Variants in CSTPP1 observed in about 807,000 individuals in gnomAD.
CSTPP1 encodes the protein centriolar satellite-associated tubulin polyglutamylase complex regulator 1, also known as UPF0705 protein C11orf49.
the CSTPP1 span, among the ~76,000 whole-genome samples, chr11:46,998,457 A>G: frequency 6.6e-6 from 1 of 152,214 alleles, no homozygotes; most frequent in Non-Finnish European, 1.5e-5. Context: ...TTTACATAAT[A>G]TACGAGTGAC....
the CSTPP1 span, among the ~76,000 whole-genome samples, chr11:47,046,660 C>CTTTTTTTTTTTTTTTTTTTTTTTTT: frequency 8.8e-5 from 7 of 79,736 alleles, no homozygotes; most frequent in East Asian, 7.7e-4. Context: ...ATCTTCTTTT[C>CTTTTTTTTTTTTTTTTTTTTTTTTT]TTTTTTTTTT....
chr11:46,937,353 T>G, the CSTPP1 span, among the ~76,000 whole-genome samples: 1 of 206 alleles, frequency 4.9e-3, no homozygotes, highest in Admixed American at 0.083. Flanking sequence ...TAACTTGCGT[T>G]AAGTTAGGCC....
chr11:47,154,042 C>T, the CSTPP1 span, among the ~76,000 whole-genome samples: 1 of 151,946 alleles, frequency 6.6e-6, no homozygotes, highest in East Asian at 1.9e-4. Flanking sequence ...CAGGTTCAAG[C>T]GCTTCTCCTG....
At chr11:47,128,012 G>A in the CSTPP1 span, among the ~76,000 whole-genome samples, 213 of 152,254 alleles carry the variant, frequency 1.4e-3, no homozygotes, top group Non-Finnish European at 2.4e-3. Flanking sequence ...AAGTAGCTGG[G>A]ATTACAGGCA....
chr11:47,102,047 C>A, the CSTPP1 span, among the ~76,000 whole-genome samples: 1 of 152,186 alleles, frequency 6.6e-6, no homozygotes, highest in African/African-American at 2.4e-5. Context: ...AAATAATGAA[C>A]GTAATTCTCC....
At chr11:47,098,510 T>G in the CSTPP1 span, among the ~76,000 whole-genome samples, 1 of 148,558 alleles carries the variant, frequency 6.7e-6, no homozygotes, top group Non-Finnish European at 1.5e-5. Flanking sequence ...CTTTTTTCTT[T>G]TTTTTTTTTT....
At chr11:46,986,714 C>T in the CSTPP1 span, among the ~76,000 whole-genome samples, 11 of 152,264 alleles carry the variant, frequency 7.2e-5, no homozygotes, top group African/African-American at 2.2e-4. Flanking sequence ...GTGATCCACC[C>T]GCCTCAGCCT....
At chr11:47,099,285 C>G in the CSTPP1 span, among the ~76,000 whole-genome samples, 1 of 152,126 alleles carries the variant, frequency 6.6e-6, no homozygotes, top group African/African-American at 2.4e-5. Context: ...GGTCTGTTTC[C>G]CTACTTAAAT....
the CSTPP1 span, among the ~76,000 whole-genome samples, chr11:47,014,246 G>A: frequency 4.7e-5 from 7 of 147,888 alleles, no homozygotes; most frequent in Admixed American, 3.4e-4. Context: ...AAGGAAGGAA[G>A]AAAGGAAGGA....
At chr11:47,039,688 A>G in the CSTPP1 span, among the ~76,000 whole-genome samples, 1 of 127,614 alleles carries the variant, frequency 7.8e-6, no homozygotes. Context: ...AATACAAAAA[A>G]TTTAGCTGGG....
the CSTPP1 span, among the ~76,000 whole-genome samples, chr11:46,958,714 C>G: frequency 1.3e-5 from 2 of 151,328 alleles, no homozygotes; most frequent in East Asian, 3.9e-4. Flanking sequence ...GGTAGAGAAC[C>G]AGGAAAGCCA....
chr11:47,109,081 A>T, the CSTPP1 span: 1 of 152,102 alleles, frequency 6.6e-6, no homozygotes, highest in Non-Finnish European at 1.5e-5. Context: ...GGAATCTGTG[A>T]TGGGCTCACC....
At chr11:46,973,902 T>A in the CSTPP1 span, among the ~76,000 whole-genome samples, 7 of 152,112 alleles carry the variant, frequency 4.6e-5, no homozygotes, top group African/African-American at 1.7e-4. Flanking sequence ...AGTTGCAAAC[T>A]TCAATGGCTT....
the CSTPP1 span, among the ~76,000 whole-genome samples, chr11:47,116,337 T>C: frequency 6.6e-6 from 1 of 152,204 alleles, no homozygotes; most frequent in Admixed American, 6.5e-5. Flanking sequence ...TAGGTCTGCT[T>C]GTTGCAGAGC....
the CSTPP1 span, among the ~76,000 whole-genome samples, chr11:47,095,600 T>G: frequency 2.6e-5 from 4 of 152,206 alleles, no homozygotes; most frequent in Non-Finnish European, 5.9e-5. Flanking sequence ...TATTTTCTAT[T>G]TTTGATGTCT....
the CSTPP1 span, among the ~76,000 whole-genome samples, chr11:46,964,531 C>T: frequency 2.6e-5 from 4 of 152,152 alleles, no homozygotes; most frequent in Admixed American, 2.0e-4. Context: ...GTGATCCGCC[C>T]GCCTCGGCCC....
At chr11:47,149,393 G>A in the CSTPP1 span, among the ~76,000 whole-genome samples, 3 of 152,324 alleles carry the variant, frequency 2.0e-5, no homozygotes, top group Admixed American at 2.0e-4. Flanking sequence ...TGAGCCAACT[G>A]CCAGCAACTG....
chr11:46,945,137 T>C, the CSTPP1 span, among the ~76,000 whole-genome samples: 5 of 152,210 alleles, frequency 3.3e-5, no homozygotes. Context: ...TGAATATAAC[T>C]AGTGAGCCTT....
the CSTPP1 span, among the ~76,000 whole-genome samples, chr11:46,956,331 A>C: frequency 0.17 from 25,876 of 152,210 alleles, 7,373 homozygotes; most frequent in African/African-American, 0.59. Context: ...TGGTGCAGAA[A>C]CTTCTGTCAA....
Sources: allele counts gnomAD v4.1 joint callset (sites outside exome capture counted in the v4.1 genomes callset), GRCh38; gene constraint gnomAD v4.1.1; transcripts MANE v1.5; gene names NCBI Gene and HGNC (gene_info 2026-07-23, HGNC 2026-07-21).